Variants in MACROD2 observed in about 807,000 individuals in gnomAD.
MACROD2 encodes ADP-ribose glycohydrolase MACROD2.
MACROD2 carries 36 observed loss-of-function variants against 70.4 expected under a neutral mutation model. That is an observed-to-expected ratio of 0.51 (90% CI 0.39 to 0.68). MACROD2 has a LOEUF of 0.68. MACROD2 is among the 30% of genes least tolerant of loss of function. The probability of loss-of-function intolerance (pLI) is 0.00; values close to 1 mark genes in which losing one functional copy is unlikely to be tolerated. For synonymous variants in MACROD2, 172 were observed against 178.8 expected (o/e 0.96, Z 0.30); for missense variants, 496 against 538.4 (o/e 0.92, Z 0.78).
chr20:14,660,513 C>A (rs986372513), intron 4 of MACROD2, among the ~76,000 whole-genome samples: 2 of 152,046 alleles, frequency 1.3e-5, no homozygotes, highest in African/African-American at 4.8e-5. Context: ...CAATATTATC[C>A]ATAATTTTTC....
At chr20:15,143,793 A>C (rs1008987927) in intron 5 of MACROD2, among the ~76,000 whole-genome samples, 1 of 151,756 alleles carries the variant, frequency 6.6e-6, no homozygotes, top group Non-Finnish European at 1.5e-5. Flanking sequence ...TATTTTGATG[A>C]ATCATATTCT....
At chr20:14,803,997 G>T (rs1216576660) in intron 5 of MACROD2, among the ~76,000 whole-genome samples, 3 of 151,938 alleles carry the variant, frequency 2.0e-5, no homozygotes, top group Admixed American at 2.0e-4. Context: ...CATAAGTTGT[G>T]AACTTTAGTG....
At chr20:15,978,111 G>A (rs1255220454) in intron 13 of MACROD2, among the ~76,000 whole-genome samples, 1 of 152,158 alleles carries the variant, frequency 6.6e-6, no homozygotes, top group Non-Finnish European at 1.5e-5. Context: ...GTTATACAAT[G>A]CAGGCTCTGA....
At chr20:14,258,316 G>A (rs988292803) in intron 3 of MACROD2, among the ~76,000 whole-genome samples, 15 of 152,108 alleles carry the variant, frequency 9.9e-5, no homozygotes, top group African/African-American at 3.6e-4. Flanking sequence ...CTCCATACTG[G>A]TTGTACTAGT....
intron 3 of MACROD2, among the ~76,000 whole-genome samples, chr20:14,248,131 T>C (rs1406660970): frequency 6.6e-6 from 1 of 152,126 alleles, no homozygotes; most frequent in Non-Finnish European, 1.5e-5. Context: ...TGACTAAATA[T>C]AAGAAAATGA....
intron 3 of MACROD2, among the ~76,000 whole-genome samples, chr20:14,132,218 A>AT (rs545174177): frequency 1.2e-4 from 18 of 148,998 alleles, no homozygotes; most frequent in East Asian, 9.9e-4. Context: ...GCTAATTAAA[A>AT]TTTTTTTTTT....
chr20:14,799,566 A>C (rs1394453925), intron 5 of MACROD2, among the ~76,000 whole-genome samples: 1 of 152,130 alleles, frequency 6.6e-6, no homozygotes, highest in African/African-American at 2.4e-5. Flanking sequence ...ATAAAGGCAA[A>C]AATAGGCATG....
intron 5 of MACROD2, among the ~76,000 whole-genome samples, chr20:14,716,492 T>G (rs1244202371): frequency 6.6e-6 from 1 of 152,178 alleles, no homozygotes; most frequent in Non-Finnish European, 1.5e-5. Flanking sequence ...CTTTCTGCCA[T>G]TGGTTCCGAG....
chr20:15,000,601 G>A (rs899571897), intron 5 of MACROD2, among the ~76,000 whole-genome samples: 3 of 124,574 alleles, frequency 2.4e-5, no homozygotes, highest in South Asian at 2.7e-4. Flanking sequence ...CCGCAGTCCG[G>A]CCTGGGCGAC....
At chr20:14,813,033 G>T (rs895497623) in intron 5 of MACROD2, among the ~76,000 whole-genome samples, 27 of 151,676 alleles carry the variant, frequency 1.8e-4, no homozygotes, top group African/African-American at 6.5e-4. Context: ...ACATTTACCC[G>T]TTTATTGCAA....
chr20:15,937,545 G>T lies in MACROD2; in HGVS notation c.907+1G>T. ...GCAGTTGAAGACTGTAAAGATGAAGGTATGAGGCTACTAACTATATCTAAT... is the reference window on the plus strand; with the variant it reads ...GCAGTTGAAGACTGTAAAGATGAAGTTATGAGGCTACTAACTATATCTAAT... On this transcript the variant is annotated splice_donor_variant, in intron 12 of 17. Transcript: ENST00000684519. LOFTEE classifies it high-confidence loss of function. 2 of 1,612,544 alleles carry T rather than the reference G, an allele frequency of 1.2e-6. No individual in the cohort carries two copies. The highest frequency in any genetic ancestry group is 1.7e-6 in the Non-Finnish European group (2 of 1,178,790).
chr20:15,194,139 G>A (rs1005708868), intron 5 of MACROD2, among the ~76,000 whole-genome samples: 5 of 150,928 alleles, frequency 3.3e-5, no homozygotes, highest in African/African-American at 1.2e-4. Flanking sequence ...CCTGCTACTT[G>A]GGAGGCTGAG....
chr20:15,826,819 T>C (rs2064002175), intron 8 of MACROD2, among the ~76,000 whole-genome samples: 1 of 152,204 alleles, frequency 6.6e-6, no homozygotes, highest in Non-Finnish European at 1.5e-5. Flanking sequence ...ACTTCTACCA[T>C]ATGTGTTTGC....
At chr20:14,586,347 A>T (rs1981376934) in intron 4 of MACROD2, among the ~76,000 whole-genome samples, 2 of 152,066 alleles carry the variant, frequency 1.3e-5, no homozygotes, top group Non-Finnish European at 2.9e-5. Flanking sequence ...AGAATGTTCT[A>T]GATAGGTTGA....
intron 3 of MACROD2, among the ~76,000 whole-genome samples, chr20:14,405,559 G>C (rs2083683000): frequency 6.6e-6 from 1 of 152,188 alleles, no homozygotes; most frequent in Non-Finnish European, 1.5e-5. Context: ...GAACTCATTA[G>C]AAGATTAGCT....
intron 12 of MACROD2, among the ~76,000 whole-genome samples, chr20:15,958,581 G>A (rs2066011759): frequency 1.3e-5 from 2 of 152,124 alleles, no homozygotes; most frequent in Non-Finnish European, 2.9e-5. Context: ...TGTGCAGCAG[G>A]TATACTAATT....
At chr20:15,180,209 T>C (rs1401293263) in intron 5 of MACROD2, among the ~76,000 whole-genome samples, 3 of 152,230 alleles carry the variant, frequency 2.0e-5, no homozygotes, top group African/African-American at 7.2e-5. Flanking sequence ...GGCTTCAACA[T>C]GAATTTGGGG....
In MACROD2 at chr20:14,945,812, T is replaced by C. The variant is rs180893625; in HGVS notation, c.418+260853T>C. On this transcript the variant is annotated intron_variant, in intron 5 of 17. Coordinates refer to ENST00000684519, the MANE Select transcript of MACROD2 (RefSeq NM_001351661.2). ...GAAAATAAACTTAGTAGCTCACTAT[T>C]TGGGTATTTTTGTATACTCACATAG... is the stretch of plus-strand genomic sequence containing the variant. Among the ~76,000 whole-genome samples the C allele has an allele frequency of 5.3e-5, 8 of 152,308 alleles. 1 individual carries two copies. Among genetic ancestry groups the C allele is most frequent in the Admixed American group, 3.3e-4 (5 of 15,300 alleles).
intron 8 of MACROD2, among the ~76,000 whole-genome samples, chr20:15,793,600 T>G (rs1021387124): frequency 6.6e-6 from 1 of 151,902 alleles, no homozygotes; most frequent in African/African-American, 2.4e-5. Context: ...TCAAATCCAC[T>G]GCTTTTTAGT....
Sources: gnomAD v4.1 joint callset for allele counts (sites outside exome capture counted in the v4.1 genomes callset) on GRCh38, gnomAD v4.1.1 for gene constraint, MANE v1.5 for transcripts, NCBI Gene and HGNC (gene_info 2026-07-23, HGNC 2026-07-21) for gene names.